The following CSMD1 variants were observed in gnomAD, a reference collection of about 807,000 sequenced individuals.
CSMD1 encodes CUB and Sushi multiple domains 1, also known as CUB and sushi domain-containing protein 1.
In CSMD1, 213 loss-of-function variants were observed where a neutral mutation model predicts 417.5. The ratio of observed to expected loss-of-function variants is 0.51; its 90% CI spans 0.46 to 0.57. The LOEUF (loss-of-function observed/expected upper bound fraction) is 0.57. Ranked by LOEUF, CSMD1 falls within the 20% of genes least tolerant of loss-of-function variation. CSMD1 has a pLI of 0.00. For missense variants in CSMD1, 6,923 were observed against 4,529.7 expected (o/e 1.53, Z -15.17); for synonymous variants, 2,862 against 1,736.8 (o/e 1.65, Z -16.11).
intron 2 of CSMD1, among the ~76,000 whole-genome samples, chr8:4,633,143 G>T (rs549993799): frequency 3.5e-4 from 54 of 152,278 alleles, no homozygotes; most frequent in Admixed American, 7.8e-4. Context: ...CTATGTGAAC[G>T]CTCAGGACAG....
At chr8:3,741,915 C>T (rs987523035) in intron 6 of CSMD1, among the ~76,000 whole-genome samples, 1 of 152,014 alleles carries the variant, frequency 6.6e-6, no homozygotes, top group African/African-American at 2.4e-5. Context: ...TGGCCCAAAC[C>T]TACTTTTTCA....
intron 37 of CSMD1, among the ~76,000 whole-genome samples, chr8:3,166,993 G>A (rs1820262757): frequency 6.6e-6 from 1 of 152,076 alleles, no homozygotes; most frequent in Non-Finnish European, 1.5e-5. Context: ...TTCTTTAAAA[G>A]GTGGTTCACA....
chr8:3,284,468 T>C, intron 25 of CSMD1, 122 bp from the exon 26 acceptor site: 1 of 692,786 alleles, frequency 1.4e-6, no homozygotes, highest in East Asian at 2.7e-5. Flanking sequence ...GCCTCGGTAC[T>C]TACTGTCTGA....
chr8:3,868,718 G>T (rs930835576), intron 5 of CSMD1, among the ~76,000 whole-genome samples: 1 of 152,082 alleles, frequency 6.6e-6, no homozygotes, highest in Non-Finnish European at 1.5e-5. Context: ...AGCCTTGGGG[G>T]CACTCCTGAC....
In CSMD1 at chr8:3,358,785, A is replaced by G. The variant is rs147492330; in HGVS notation, c.3304+367T>C. On this transcript the variant is annotated intron_variant, in intron 21 of 69. Coordinates refer to ENST00000635120, the MANE Select transcript of CSMD1 (RefSeq NM_033225.6). ...ACACGTGCTGCTTTTAATCAATGCA[A>G]TTGTCAGAGGTTGTGTTATTATAGC... is the stretch of plus-strand genomic sequence containing the variant. Among the ~76,000 whole-genome samples the G allele has an allele frequency of 1.3e-3, 202 of 152,174 alleles. 1 individual carries two copies. Among genetic ancestry groups the G allele is most frequent in the African/African-American group, 4.6e-3 (193 of 41,526 alleles).
chr8:3,738,849 A>G (rs958935096), intron 6 of CSMD1, among the ~76,000 whole-genome samples: 12 of 152,210 alleles, frequency 7.9e-5, no homozygotes, highest in African/African-American at 2.9e-4. Context: ...ATAGGCATCA[A>G]TAAATGTTAC....
chr8:3,458,684 A>T (rs1045699525), intron 12 of CSMD1, among the ~76,000 whole-genome samples: 2 of 152,248 alleles, frequency 1.3e-5, no homozygotes, highest in African/African-American at 4.8e-5. Flanking sequence ...GAACACATAT[A>T]ATCTATTAAT....
At chr8:3,790,472 G>A (rs1799674828) in intron 5 of CSMD1, among the ~76,000 whole-genome samples, 1 of 152,170 alleles carries the variant, frequency 6.6e-6, no homozygotes, top group Non-Finnish European at 1.5e-5. Flanking sequence ...TGTTGATGGT[G>A]ATGCTAATGA....
intron 3 of CSMD1, among the ~76,000 whole-genome samples, chr8:4,361,211 T>G (rs1463620032): frequency 6.6e-6 from 1 of 152,108 alleles, no homozygotes; most frequent in Non-Finnish European, 1.5e-5. Context: ...CAACTGGTTT[T>G]CAGTGGAATA....
At chr8:3,744,147 A>T (rs1279183175) in intron 6 of CSMD1, among the ~76,000 whole-genome samples, 1 of 152,124 alleles carries the variant, frequency 6.6e-6, no homozygotes, top group Non-Finnish European at 1.5e-5. Flanking sequence ...TTGTCTCGTC[A>T]CTTTTCTGGA....
chr8:4,510,122 G>A (rs1802736350), intron 2 of CSMD1, among the ~76,000 whole-genome samples: 1 of 151,800 alleles, frequency 6.6e-6, no homozygotes, highest in Admixed American at 6.6e-5. Context: ...TGTATAAAGG[G>A]GAGTTCTCCT....
chr8:3,990,246 T>A (rs566660193), intron 5 of CSMD1, among the ~76,000 whole-genome samples: 1 of 152,220 alleles, frequency 6.6e-6, no homozygotes, highest in Admixed American at 6.5e-5. Context: ...TTTTAATCCA[T>A]AAAAGACTTC....
intron 5 of CSMD1, among the ~76,000 whole-genome samples, chr8:3,945,924 A>G (rs1811192509): frequency 6.6e-6 from 1 of 152,160 alleles, no homozygotes; most frequent in East Asian, 1.9e-4. Flanking sequence ...GGCTCCAACT[A>G]AGACTATCAT....
chr8:4,918,533 G>GA (rs373188729), intron 1 of CSMD1, among the ~76,000 whole-genome samples: 3,003 of 150,194 alleles, frequency 0.02, 85 homozygotes, highest in African/African-American at 0.065. Context: ...ATATAAATGT[G>GA]AAAAAAAAAG....
intron 12 of CSMD1, among the ~76,000 whole-genome samples, chr8:3,424,975 C>G (rs118090826): frequency 6.6e-6 from 1 of 152,134 alleles, no homozygotes; most frequent in Non-Finnish European, 1.5e-5. Context: ...GCTGGGACAA[C>G]AGGTACATGC....
intron 12 of CSMD1, among the ~76,000 whole-genome samples, chr8:3,424,468 G>A (rs1487488515): frequency 2.0e-5 from 3 of 152,126 alleles, no homozygotes; most frequent in Non-Finnish European, 4.4e-5. Context: ...GTTTGTATGC[G>A]AATATGTGTA....
intron 5 of CSMD1, among the ~76,000 whole-genome samples, chr8:3,786,900 T>A (rs1196859862): frequency 1.3e-5 from 2 of 152,118 alleles, no homozygotes; most frequent in Non-Finnish European, 2.9e-5. Flanking sequence ...CCCCACCTCC[T>A]AATACTAGCA....
At chr8:4,435,680 G>A (rs965775198) in intron 2 of CSMD1, among the ~76,000 whole-genome samples, 7 of 152,170 alleles carry the variant, frequency 4.6e-5, no homozygotes, top group South Asian at 2.1e-4. Context: ...CACCCGAGTT[G>A]TTACTGACAA....
At chr8:3,501,544 A>G (rs995202094) in intron 10 of CSMD1, among the ~76,000 whole-genome samples, 3 of 152,222 alleles carry the variant, frequency 2.0e-5, no homozygotes, top group Non-Finnish European at 4.4e-5. Flanking sequence ...GCTTTAATTA[A>G]TAACTGTAGG....
Sources: gnomAD v4.1 joint callset for allele counts (sites outside exome capture counted in the v4.1 genomes callset) on GRCh38, gnomAD v4.1.1 for gene constraint, MANE v1.5 for transcripts, NCBI Gene and HGNC (gene_info 2026-07-23, HGNC 2026-07-21) for gene names.